The following ARID1B variants were observed in gnomAD, a reference collection of about 807,000 sequenced individuals.
The protein encoded by ARID1B is AT-rich interactive domain-containing protein 1B.
A neutral mutation model predicts 212.3 loss-of-function variants in ARID1B; 30 were observed. The ratio of observed to expected loss-of-function variants is 0.14; its 90% CI spans 0.11 to 0.19. The LOEUF (loss-of-function observed/expected upper bound fraction) is 0.19, where lower values mean the gene tolerates loss of function less well. Among genes scored for constraint, ARID1B ranks in the 10% least tolerant of loss-of-function variants. The pLI is 1.00. For synonymous variants in ARID1B, 1,402 were observed against 1,301.7 expected (o/e 1.08, Z -1.66); for missense variants, 2,891 against 3,204.0 (o/e 0.90, Z 2.36).
intron 13 of ARID1B, among the ~76,000 whole-genome samples, chr6:157,189,134 G>C (rs985215768): frequency 6.6e-6 from 1 of 152,202 alleles, no homozygotes; most frequent in African/African-American, 2.4e-5. Context: ...TTGTGTCCTT[G>C]CTTTTCATCT....
chr6:157,028,508 C>A (rs2128490411), intron 4 of ARID1B, among the ~76,000 whole-genome samples: 1 of 152,290 alleles, frequency 6.6e-6, no homozygotes, highest in Admixed American at 6.5e-5. Context: ...GATACATACA[C>A]ATGTGTTGCA....
At chr6:157,055,061 G>A (rs1468392101) in intron 4 of ARID1B, among the ~76,000 whole-genome samples, 1 of 152,236 alleles carries the variant, frequency 6.6e-6, no homozygotes, top group Admixed American at 6.5e-5. Context: ...GCATCAGCCG[G>A]GAAGTAGGGG....
chr6:157,021,924 C>T (rs908048227), intron 4 of ARID1B, among the ~76,000 whole-genome samples: 2 of 152,230 alleles, frequency 1.3e-5, no homozygotes, highest in African/African-American at 4.8e-5. Flanking sequence ...CTCTGCGTCC[C>T]GCGTGGCGCG....
chr6:156,883,475 G>A (rs1220595959), intron 2 of ARID1B, among the ~76,000 whole-genome samples: 1 of 152,122 alleles, frequency 6.6e-6, no homozygotes, highest in African/African-American at 2.4e-5. Flanking sequence ...ATAAGTCATA[G>A]CCCTTCCTCT....
intron 3 of ARID1B, among the ~76,000 whole-genome samples, chr6:156,930,987 G>A (rs1381196428): frequency 6.6e-6 from 1 of 152,054 alleles, no homozygotes; most frequent in Non-Finnish European, 1.5e-5. Context: ...TCAGGAGATA[G>A]AGACCATTCT....
chr6:157,177,087 G>A (rs1307712233), intron 11 of ARID1B, among the ~76,000 whole-genome samples: 8 of 152,138 alleles, frequency 5.3e-5, no homozygotes, highest in Non-Finnish European at 7.4e-5. Context: ...TTTGTTTTCT[G>A]ATTATAATTA....
At chr6:157,107,862 CTGTAATT>C (rs953525342) in intron 5 of ARID1B, 7 of 152,126 alleles carry the variant, frequency 4.6e-5, no homozygotes, top group Admixed American at 4.6e-4. Flanking sequence ...ATATAAAAAT[CTGTAATT>C]TTGAAGGTGT....
At chr6:156,901,331 T>A in intron 2 of ARID1B, 45 bp from the exon 3 acceptor site, 1 of 1,611,490 alleles carries the variant, frequency 6.2e-7, no homozygotes, top group Non-Finnish European at 8.5e-7. Context: ...TTCATTTAAT[T>A]GCACATTTTG....
At chr6:156,827,675 C>T (rs930356587) in intron 1 of ARID1B, among the ~76,000 whole-genome samples, 7 of 149,908 alleles carry the variant, frequency 4.7e-5, no homozygotes, top group Non-Finnish European at 7.4e-5. Context: ...GTGCCTTGTG[C>T]TGTTTCTTCT....
chr6:156,807,128 A>G (rs996177007), intron 1 of ARID1B, among the ~76,000 whole-genome samples: 1 of 144,148 alleles, frequency 6.9e-6, no homozygotes, highest in African/African-American at 2.5e-5. Context: ...GTTCCGTCCA[A>G]GTATTGTGCA....
intron 2 of ARID1B, among the ~76,000 whole-genome samples, chr6:156,891,312 C>T (rs1041117641): frequency 2.0e-5 from 3 of 152,162 alleles, no homozygotes; most frequent in African/African-American, 7.2e-5. Flanking sequence ...TTTGCTTTCC[C>T]ATTTTGTAGA....
rs977886390 is a variant in ARID1B, at chr6:157,200,465, T to C, written c.4480-240T>C. On this transcript the variant is annotated intron_variant, in intron 17 of 19. Coordinates refer to ENST00000636930, the MANE Select transcript of ARID1B (RefSeq NM_001374828.1). This position sits in a 1 kb window ranked among gnomAD's most constrained non-coding sequence, Gnocchi z 4.3. ...CCTAAGGAGAGGAGGCTTTTTTTTTTCCACAGGAAGTTTCAAACACGTGAA... is the reference window on the plus strand; with the variant it reads ...CCTAAGGAGAGGAGGCTTTTTTTTTCCCACAGGAAGTTTCAAACACGTGAA... Among the ~76,000 whole-genome samples, 6 of 151,798 alleles carry C rather than the reference T, an allele frequency of 4.0e-5. No homozygotes were observed. The highest frequency in any genetic ancestry group is 4.4e-5 in the Non-Finnish European group (3 of 67,902).
intron 5 of ARID1B, among the ~76,000 whole-genome samples, chr6:157,105,438 A>G (rs1228494721): frequency 6.6e-6 from 1 of 152,224 alleles, no homozygotes; most frequent in East Asian, 1.9e-4. Context: ...AATATCTCTA[A>G]TATATGAAGA....
At chr6:156,811,369 T>A (rs571675951) in intron 1 of ARID1B, among the ~76,000 whole-genome samples, 4 of 152,344 alleles carry the variant, frequency 2.6e-5, no homozygotes, top group African/African-American at 9.6e-5. Context: ...TGGATTTATT[T>A]TAGAATTCTG....
intron 6 of ARID1B, among the ~76,000 whole-genome samples, chr6:157,130,505 G>A (rs1295314195): frequency 3.3e-5 from 5 of 152,244 alleles, no homozygotes; most frequent in African/African-American, 1.2e-4. Context: ...GATTGAATAA[G>A]CAAATGTTTT....
chr6:157,199,051 C>A, intron 17 of ARID1B, 144 bp downstream of exon 17: 1 of 647,652 alleles, frequency 1.5e-6, no homozygotes, highest in Non-Finnish European at 2.5e-6. Flanking sequence ...ATAGTTAATG[C>A]TAGAAAGTAC....
intron 4 of ARID1B, among the ~76,000 whole-genome samples, chr6:157,048,068 G>A (rs1379697480): frequency 1.3e-5 from 2 of 152,160 alleles, no homozygotes; most frequent in Admixed American, 1.3e-4. Context: ...AGCAGATTCT[G>A]TTTCTTCAGA....
At chr6:157,091,775 CA>C in intron 5 of ARID1B, among the ~76,000 whole-genome samples, 1 of 152,108 alleles carries the variant, frequency 6.6e-6, no homozygotes, top group Non-Finnish European at 1.5e-5. Context: ...TAATAAAACT[CA>C]GGGTAAAAAG....
rs142466273 is a variant in ARID1B, at chr6:157,206,444, C to T, written c.5672C>T (p.Pro1891Leu). 41 of 1,613,932 alleles carry T rather than the reference C, an allele frequency of 2.5e-5. No homozygotes were observed. Among genetic ancestry groups the T allele is most frequent in the African/African-American group, 5.3e-5 (4 of 74,882 alleles). The change falls in exon 20 of 20, where the codon CCG becomes CTG. Residue 1891 changes from proline to leucine, a missense_variant. By Grantham distance (98) the Pro-to-Leu change is moderately conservative. Transcript: ENST00000636930. This position sits in a 1 kb window ranked among gnomAD's most constrained non-coding sequence, Gnocchi z 6.8. Reference sequence around the variant, plus strand: ...AAGAGCAGCATCGCTCTGACTGCCCCGGACGCCGCTGCAGACCCAAAGGAG... The same window carrying T: ...AAGAGCAGCATCGCTCTGACTGCCCTGGACGCCGCTGCAGACCCAAAGGAG... ...DEKSSIALTAPDAAADPKEKP... is the reference protein window; with the variant it reads ...DEKSSIALTALDAAADPKEKP...
Sources: gnomAD v4.1 joint callset for allele counts (sites outside exome capture counted in the v4.1 genomes callset) on GRCh38, gnomAD v4.1.1 for gene constraint, Gnocchi (gnomAD v3.1) non-coding constraint, MANE v1.5 for transcripts, NCBI Gene and HGNC (gene_info 2026-07-23, HGNC 2026-07-21) for gene names.